Variants in PTBP3 observed in about 807,000 individuals in gnomAD.
The protein encoded by PTBP3 is polypyrimidine tract binding protein 3.
A neutral mutation model predicts 58.7 loss-of-function variants in PTBP3; 20 were observed. The observed-to-expected ratio is 0.34, with a 90% confidence interval of 0.24 to 0.50. The LOEUF is 0.50. Ranked by LOEUF, PTBP3 falls within the 20% of genes least tolerant of loss-of-function variation. PTBP3 has a pLI of 0.98. For synonymous variants in PTBP3, 185 were observed against 219.8 expected (o/e 0.84, Z 1.40); for missense variants, 509 against 637.2 (o/e 0.80, Z 2.17).
chr9:112,378,202 T>C, the PTBP3 span, among the ~76,000 whole-genome samples: 1 of 152,198 alleles, frequency 6.6e-6, no homozygotes, highest in Non-Finnish European at 1.5e-5. Flanking sequence ...AATCACACTT[T>C]AAATGAACTC....
intron 1 of PTBP3, among the ~76,000 whole-genome samples, chr9:112,312,300 TAGTG>T (rs1162402035): frequency 2.0e-5 from 3 of 151,866 alleles, no homozygotes; most frequent in Non-Finnish European, 2.9e-5. Flanking sequence ...CTGGGCAACA[TAGTG>T]AGACCCTGTA....
At chr9:112,309,998 C>T (rs1829411862) in intron 1 of PTBP3, among the ~76,000 whole-genome samples, 1 of 152,190 alleles carries the variant, frequency 6.6e-6, no homozygotes, top group East Asian at 1.9e-4. Flanking sequence ...GGTAACTCTA[C>T]TGACTGACCC....
intron 2 of PTBP3, among the ~76,000 whole-genome samples, chr9:112,277,941 C>T (rs28590360): frequency 0.015 from 1,072 of 71,694 alleles, no homozygotes; most frequent in African/African-American, 0.047. Context: ...CATAACATAA[C>T]ATAATATAAC....
rs1830481736 is a variant in PTBP3 at position 112,333,608 on chromosome 9, T to C, written c.-190A>G. 2 of 1,127,068 alleles carry C rather than the reference T, an allele frequency of 1.8e-6. No homozygotes were observed. The highest frequency in any genetic ancestry group is 4.3e-5 in the Admixed American group (2 of 46,480). The allele number at this position is 1,127,068 out of a possible 1,614,324, so 69.8% of individuals were successfully genotyped here. A position where few individuals can be genotyped will look rare whatever the true frequency, so the allele number is the denominator to read the frequency against. On this transcript the variant is annotated 5_prime_UTR_variant, in exon 1 of 14. Coordinates refer to ENST00000374257, the MANE Select transcript of PTBP3 (RefSeq NM_001163788.4). ...CTGCGGAGCCCCGGCCGGTCCGAGG[T>C]GGAAGGAGAGTGGGAACAGGGGCGG...
chr9:112,376,828 T>C, the PTBP3 span, among the ~76,000 whole-genome samples: 1 of 152,176 alleles, frequency 6.6e-6, no homozygotes, highest in Non-Finnish European at 1.5e-5. Flanking sequence ...CTGACTCAAA[T>C]GTTAATGTCC....
chr9:112,333,064 G>A, intron 1 of PTBP3: 1 of 1,268,908 alleles, frequency 7.9e-7, no homozygotes, highest in Non-Finnish European at 9.9e-7. Flanking sequence ...GAGGACGCCC[G>A]CCCCGCGCGC....
In PTBP3 at chr9:112,294,707, G is replaced by A. The variant is rs531268172; in HGVS notation, c.34+3125C>T. ...AAACAATCCATATATTTATATACTC[G>A]AAATTATCTTTATTTGAAGACACAT... On this transcript the variant is annotated intron_variant, in intron 2 of 13. Transcript: ENST00000374257. Among the ~76,000 whole-genome samples the A allele has an allele frequency of 9.2e-5, 14 of 152,052 alleles. No individual in the cohort carries two copies. The East Asian group carries it at 2.3e-3, about 25-fold the overall frequency.
chr9:112,272,807 T>G (rs938928795), intron 3 of PTBP3: 2 of 152,172 alleles, frequency 1.3e-5, no homozygotes, highest in African/African-American at 4.8e-5. Context: ...AAGCAATCCT[T>G]GAGGCAAGTG....
the PTBP3 span, among the ~76,000 whole-genome samples, chr9:112,358,145 TA>T: frequency 6.6e-6 from 1 of 151,680 alleles, no homozygotes; most frequent in Non-Finnish European, 1.5e-5. Flanking sequence ...CTGTCTCTAC[TA>T]AAAAAAATAA....
rs1834867678 is a variant in PTBP3, at chr9:112,223,371, A to G, written c.*480T>C. Reference sequence around the variant, plus strand: ...GATCTGATGTACTTTATATGTGAATATAATTTCCTACAAGGGTCAGACTTC... The same window carrying G: ...GATCTGATGTACTTTATATGTGAATGTAATTTCCTACAAGGGTCAGACTTC... On this transcript the variant is annotated 3_prime_UTR_variant, in exon 14 of 14. Coordinates refer to ENST00000374257, the MANE Select transcript of PTBP3 (RefSeq NM_001163788.4). 4 of 966,580 alleles carry G rather than the reference A, an allele frequency of 4.1e-6. No homozygotes were observed. Among genetic ancestry groups the G allele is most frequent in the South Asian group, 4.7e-5 (1 of 21,090 alleles). 59.9% of individuals were successfully genotyped at this position (966,580 alleles called of 1,614,324 possible). A position where few individuals can be genotyped will look rare whatever the true frequency, so the allele number is the denominator to read the frequency against.
the PTBP3 span, among the ~76,000 whole-genome samples, chr9:112,348,528 C>T: frequency 6.6e-6 from 1 of 152,244 alleles, no homozygotes; most frequent in Non-Finnish European, 1.5e-5. Context: ...TGTGGCCCCT[C>T]CCAAGTGTTA....
intron 2 of PTBP3, among the ~76,000 whole-genome samples, chr9:112,276,451 T>C (rs1221311020): frequency 6.6e-6 from 1 of 152,208 alleles, no homozygotes; most frequent in African/African-American, 2.4e-5. Context: ...ATTTATCACA[T>C]CCTAAGGAGA....
At chr9:112,239,687 C>T (rs1458071095) in intron 7 of PTBP3, among the ~76,000 whole-genome samples, 5 of 151,380 alleles carry the variant, frequency 3.3e-5, no homozygotes, top group Non-Finnish European at 7.4e-5. Flanking sequence ...GGCATGGTTG[C>T]ACCACTGCAC....
chr9:112,337,513 A>G (rs1464592730), upstream of PTBP3, among the ~76,000 whole-genome samples: 3 of 152,218 alleles, frequency 2.0e-5, no homozygotes, highest in Admixed American at 1.3e-4. Flanking sequence ...GGAATCAGAT[A>G]TCTCAGATAT....
At chr9:112,345,055 C>G in the PTBP3 span, among the ~76,000 whole-genome samples, 2 of 152,036 alleles carry the variant, frequency 1.3e-5, no homozygotes, top group African/African-American at 4.8e-5. Context: ...ATTGCTTAAA[C>G]TGGGAAGGCG....
intron 2 of PTBP3, among the ~76,000 whole-genome samples, chr9:112,278,029 T>A (rs947449020): frequency 6.6e-6 from 1 of 151,900 alleles, no homozygotes; most frequent in African/African-American, 2.4e-5. Context: ...AGGCACCAAA[T>A]ACCTAAACAG....
intron 2 of PTBP3, among the ~76,000 whole-genome samples, chr9:112,286,638 G>A (rs1033409913): frequency 3.3e-5 from 5 of 151,954 alleles, no homozygotes; most frequent in East Asian, 1.9e-4. Flanking sequence ...TGTCATAACC[G>A]CCAAAAATGT....
chr9:112,295,838 T>C (rs1022409708), intron 2 of PTBP3, among the ~76,000 whole-genome samples: 1 of 152,136 alleles, frequency 6.6e-6, no homozygotes, highest in African/African-American at 2.4e-5. Context: ...AACATATAAC[T>C]CTAACATAAT....
chr9:112,341,489 G>A, the PTBP3 span, among the ~76,000 whole-genome samples: 349 of 151,714 alleles, frequency 2.3e-3, no homozygotes, highest in Middle Eastern at 0.024. Flanking sequence ...TTTGTTTTTC[G>A]TTGGGTGTGT....
Sources: allele counts gnomAD v4.1 joint callset (sites outside exome capture counted in the v4.1 genomes callset), GRCh38; gene constraint gnomAD v4.1.1; transcripts MANE v1.5; gene names NCBI Gene and HGNC (gene_info 2026-07-23, HGNC 2026-07-21).